VEPH1: variants seen among roughly 807,000 people sequenced by gnomAD.
The protein encoded by VEPH1 is ventricular zone expressed PH domain containing 1, also known as ventricular zone-expressed PH domain-containing protein homolog 1.
VEPH1 carries 80 observed loss-of-function variants against 85.2 expected under a neutral mutation model. The ratio of observed to expected loss-of-function variants is 0.94; its 90% CI spans 0.78 to 1.13. VEPH1 has a LOEUF of 1.13. Ranked by LOEUF, VEPH1 falls within the 50% of genes most tolerant of loss-of-function variation. The pLI is 0.00. For synonymous variants in VEPH1, 297 were observed against 348.0 expected, an observed-to-expected ratio of 0.85 and a Z score of 1.63; for missense variants, 955 against 980.5, an observed-to-expected ratio of 0.97 and a Z score of 0.35.
chr3:157,345,205 C>A (rs1165651300), intron 9 of VEPH1, among the ~76,000 whole-genome samples: 2 of 152,124 alleles, frequency 1.3e-5, no homozygotes, highest in Non-Finnish European at 2.9e-5. Flanking sequence ...AGAGTTTCTG[C>A]ACAGCAAAAG....
At chr3:157,403,726 AG>A (rs1053134834) in intron 6 of VEPH1, among the ~76,000 whole-genome samples, 2 of 152,166 alleles carry the variant, frequency 1.3e-5, no homozygotes, top group African/African-American at 4.8e-5. Flanking sequence ...TGACTGTTAA[AG>A]GTTACTGATT....
intron 11 of VEPH1, among the ~76,000 whole-genome samples, chr3:157,297,677 T>C (rs1264933133): frequency 2.6e-5 from 4 of 151,750 alleles, no homozygotes; most frequent in Non-Finnish European, 5.9e-5. Flanking sequence ...TGTGATGAGA[T>C]AGAAATGGGA....
chr3:157,379,567 A>G (rs1728527646), intron 7 of VEPH1, among the ~76,000 whole-genome samples: 2 of 151,410 alleles, frequency 1.3e-5, no homozygotes, highest in Admixed American at 1.3e-4. Flanking sequence ...AGTACCTTAT[A>G]TCTCTTAGGA....
intron 9 of VEPH1, among the ~76,000 whole-genome samples, chr3:157,338,620 T>C (rs1723199876): frequency 6.6e-6 from 1 of 152,220 alleles, no homozygotes; most frequent in African/African-American, 2.4e-5. Flanking sequence ...CTGTTTCTTT[T>C]TCAATGCTGA....
At chr3:157,297,290 G>T (rs975542476) in intron 11 of VEPH1, among the ~76,000 whole-genome samples, 2 of 152,112 alleles carry the variant, frequency 1.3e-5, no homozygotes, top group Admixed American at 6.5e-5. Flanking sequence ...CTAAAATCAG[G>T]TAACATACTT....
At chr3:157,477,760 T>C (rs1737623818) in intron 2 of VEPH1, among the ~76,000 whole-genome samples, 1 of 152,124 alleles carries the variant, frequency 6.6e-6, no homozygotes, top group African/African-American at 2.4e-5. Flanking sequence ...GGATAGAAGT[T>C]ATGCATCATT....
intron 11 of VEPH1, among the ~76,000 whole-genome samples, chr3:157,308,806 T>C (rs1334145339): frequency 6.6e-6 from 1 of 152,118 alleles, no homozygotes; most frequent in Non-Finnish European, 1.5e-5. Flanking sequence ...TCTGTGACTT[T>C]GAGAAAATTA....
At chr3:157,299,530 A>T (rs1471383713) in intron 11 of VEPH1, among the ~76,000 whole-genome samples, 2 of 147,496 alleles carry the variant, frequency 1.4e-5, no homozygotes, top group Non-Finnish European at 3.0e-5. Flanking sequence ...ACTGCAGTCC[A>T]ACCTGGGCAA....
chr3:157,374,097 A>G (rs1727815340), intron 7 of VEPH1, among the ~76,000 whole-genome samples: 1 of 152,228 alleles, frequency 6.6e-6, no homozygotes, highest in African/African-American at 2.4e-5. Flanking sequence ...AACAGCTGGA[A>G]CATAAATGGT....
intron 6 of VEPH1, 116 bp downstream of exon 6, chr3:157,413,765 G>T: frequency 7.2e-7 from 1 of 1,393,470 alleles, no homozygotes; most frequent in Non-Finnish European, 9.6e-7. Context: ...AAGAGAAATT[G>T]GAACTCCCAG....
intron 9 of VEPH1, among the ~76,000 whole-genome samples, chr3:157,319,265 C>T (rs937778524): frequency 6.6e-5 from 10 of 152,096 alleles, no homozygotes; most frequent in African/African-American, 2.4e-4. Context: ...ATACAGTGTT[C>T]TTGTATAAAA....
chr3:157,264,609 C>T (rs755673204), intron 13 of VEPH1, among the ~76,000 whole-genome samples: 5 of 152,178 alleles, frequency 3.3e-5, no homozygotes, highest in Admixed American at 2.0e-4. Context: ...TATACCCTTT[C>T]TCACCTTATT....
At chr3:157,348,146 C>T (rs1023185821) in intron 9 of VEPH1, among the ~76,000 whole-genome samples, 10 of 152,168 alleles carry the variant, frequency 6.6e-5, no homozygotes, top group Non-Finnish European at 1.3e-4. Context: ...TGTGGCAATC[C>T]CGTTCATGGA....
intron 4 of VEPH1, chr3:157,436,994 G>C (rs755051318): frequency 5.0e-6 from 8 of 1,613,984 alleles, no homozygotes; most frequent in Non-Finnish European, 6.8e-6. Context: ...CGAGAACTCG[G>C]ATGATTATGA....
chr3:157,305,814 T>C (rs1195927664), intron 11 of VEPH1, among the ~76,000 whole-genome samples: 2 of 152,242 alleles, frequency 1.3e-5, no homozygotes, highest in Non-Finnish European at 2.9e-5. Flanking sequence ...TTGACTACTT[T>C]GCCTACTAAT....
At chr3:157,309,343 TATC>T (rs1719842938) in intron 11 of VEPH1, among the ~76,000 whole-genome samples, 1 of 152,210 alleles carries the variant, frequency 6.6e-6, no homozygotes, top group Non-Finnish European at 1.5e-5. Flanking sequence ...GACAAATATT[TATC>T]ATGCTAAGAA....
chr3:157,483,712 T>C (rs1206701388), intron 2 of VEPH1, among the ~76,000 whole-genome samples: 1 of 152,090 alleles, frequency 6.6e-6, no homozygotes, highest in Non-Finnish European at 1.5e-5. Flanking sequence ...ATGGAAAATA[T>C]AATAGATCAA....
At chr3:157,440,146 T>C (rs571380729) in intron 4 of VEPH1, among the ~76,000 whole-genome samples, 1 of 152,354 alleles carries the variant, frequency 6.6e-6, no homozygotes, top group Non-Finnish European at 1.5e-5. Context: ...GAAGAAAAGA[T>C]GTACCTAGCA....
intron 4 of VEPH1, chr3:157,459,436 T>C: frequency 8.6e-6 from 2 of 231,276 alleles, no homozygotes; most frequent in Non-Finnish European, 1.5e-5. Flanking sequence ...CCTTATCATG[T>C]GGTGGGTTAT....
Sources: allele counts gnomAD v4.1 joint callset (sites outside exome capture counted in the v4.1 genomes callset), GRCh38; gene constraint gnomAD v4.1.1; transcripts MANE v1.5; gene names NCBI Gene and HGNC (gene_info 2026-07-23, HGNC 2026-07-21).